ENOX1: variants seen among roughly 807,000 people sequenced by gnomAD.
ENOX1 encodes the protein ecto-NOX disulfide-thiol exchanger 1.
A neutral mutation model predicts 82.5 loss-of-function variants in ENOX1; 42 were observed. The observed-to-expected ratio is 0.51, with a 90% CI of 0.40 to 0.66. The LOEUF (loss-of-function observed/expected upper bound fraction) is 0.66. Among genes scored for constraint, ENOX1 ranks in the 30% least tolerant of loss-of-function variants. ENOX1 has a pLI of 0.00. For missense variants in ENOX1, 608 were observed against 811.6 expected (o/e 0.75, Z 3.05); for synonymous variants, 271 against 282.2 (o/e 0.96, Z 0.40).
chr13:43,225,282 GGAAAGGGCTGA>G (rs1331490827), intron 15 of ENOX1, among the ~76,000 whole-genome samples: 2 of 152,296 alleles, frequency 1.3e-5, no homozygotes, highest in East Asian at 1.9e-4. Context: ...GAGGGATGAG[GGAAAGGGCTGA>G]GAATCTCCCT....
intron 1 of ENOX1, among the ~76,000 whole-genome samples, chr13:43,750,030 T>A (rs1950228293): frequency 6.6e-6 from 1 of 152,218 alleles, no homozygotes; most frequent in East Asian, 1.9e-4. Flanking sequence ...CTCATTTTTT[T>A]AAATTATAAC....
chr13:43,464,660 C>T (rs879728707), intron 3 of ENOX1, among the ~76,000 whole-genome samples: 1 of 152,170 alleles, frequency 6.6e-6, no homozygotes, highest in Admixed American at 6.5e-5. Context: ...ACTCCTCCCC[C>T]ACTTTCCCCC....
chr13:43,285,161 A>G (rs1411444275), intron 12 of ENOX1, among the ~76,000 whole-genome samples: 1 of 152,192 alleles, frequency 6.6e-6, no homozygotes, highest in African/African-American at 2.4e-5. Flanking sequence ...AGAGGAGAAA[A>G]CATAGTCTTT....
At chr13:43,627,133 A>C (rs542553889) in intron 2 of ENOX1, among the ~76,000 whole-genome samples, 2 of 152,018 alleles carry the variant, frequency 1.3e-5, no homozygotes, top group African/African-American at 4.8e-5. Context: ...TAATGTTTGT[A>C]TATCTTTTCT....
chr13:43,244,530 A>C (rs2042988281), intron 14 of ENOX1, among the ~76,000 whole-genome samples: 1 of 152,184 alleles, frequency 6.6e-6, no homozygotes, highest in Non-Finnish European at 1.5e-5. Flanking sequence ...TTATAAGTAA[A>C]GAAAGAAAAA....
At chr13:43,560,585 T>C (rs1321116219) in intron 2 of ENOX1, among the ~76,000 whole-genome samples, 1 of 152,208 alleles carries the variant, frequency 6.6e-6, no homozygotes, top group Non-Finnish European at 1.5e-5. Flanking sequence ...TTGTTACTTT[T>C]TACTAATTGA....
chr13:43,661,345 C>T lies in ENOX1; in HGVS notation c.-219+6134G>A, dbSNP rs185025137. Reference sequence around the variant, plus strand: ...AAAATGGGATGACAGAATGAAGAGACGAATCTGTCTTCCCCATAGGGTCTG... The same window carrying T: ...AAAATGGGATGACAGAATGAAGAGATGAATCTGTCTTCCCCATAGGGTCTG... On this transcript the variant is annotated intron_variant, in intron 2 of 16. Coordinates refer to ENST00000690772, the MANE Select transcript of ENOX1 (RefSeq NM_001347969.2). Among the ~76,000 whole-genome samples, 279 of 152,204 alleles carry T rather than the reference C, an allele frequency of 1.8e-3. 1 individual carries two copies. The highest frequency in any genetic ancestry group is 2.6e-3 in the Admixed American group (39 of 15,280).
At chr13:43,707,744 A>AC (rs2087401630) in intron 1 of ENOX1, among the ~76,000 whole-genome samples, 1 of 149,280 alleles carries the variant, frequency 6.7e-6, no homozygotes, top group African/African-American at 2.4e-5. Flanking sequence ...AAAAAAAAAA[A>AC]AAAAAAAAAA....
chr13:43,776,476 CA>C (rs914743600), intron 1 of ENOX1, among the ~76,000 whole-genome samples: 7 of 152,044 alleles, frequency 4.6e-5, no homozygotes, highest in African/African-American at 1.7e-4. Context: ...TGTCAGAAGA[CA>C]AAAAATCTCA....
intron 2 of ENOX1, among the ~76,000 whole-genome samples, chr13:43,568,629 C>A (rs1458437530): frequency 6.6e-6 from 1 of 151,222 alleles, no homozygotes; most frequent in African/African-American, 2.4e-5. Flanking sequence ...ATCCCTAGCA[C>A]AGTTACCAAT....
intron 12 of ENOX1, among the ~76,000 whole-genome samples, chr13:43,295,706 T>C (rs955724986): frequency 6.6e-5 from 10 of 152,214 alleles, no homozygotes; most frequent in East Asian, 1.9e-4. Context: ...TTCTGATTTA[T>C]ACAGTGGATA....
At chr13:43,561,512 G>T (rs1047231164) in intron 2 of ENOX1, among the ~76,000 whole-genome samples, 7 of 152,156 alleles carry the variant, frequency 4.6e-5, no homozygotes, top group African/African-American at 1.4e-4. Flanking sequence ...ATGGAGTTAT[G>T]ATGTAAAGTA....
intron 9 of ENOX1, among the ~76,000 whole-genome samples, chr13:43,335,894 T>G (rs1328916642): frequency 2.6e-5 from 4 of 152,152 alleles, no homozygotes; most frequent in Non-Finnish European, 5.9e-5. Flanking sequence ...TGCTGAAGTT[T>G]TTATACATAT....
At chr13:43,477,281 G>A (rs928558812) in intron 3 of ENOX1, among the ~76,000 whole-genome samples, 7 of 151,026 alleles carry the variant, frequency 4.6e-5, no homozygotes, top group Non-Finnish European at 8.9e-5. Context: ...CTCTGGGAAA[G>A]GAGAAGTAGA....
intron 2 of ENOX1, among the ~76,000 whole-genome samples, chr13:43,661,195 TTG>T (rs1388743228): frequency 1.3e-5 from 2 of 152,216 alleles, no homozygotes; most frequent in African/African-American, 4.8e-5. Context: ...ACTGAAATAA[TTG>T]TCTTTATAGC....
At position 43,392,246 on chromosome 13, in the gene ENOX1, A is replaced by G. The variant is rs182747402; in HGVS notation, c.208+19670T>C. Among the ~76,000 whole-genome samples, 223 of 152,340 alleles carry G rather than the reference A, an allele frequency of 1.5e-3. 1 individual carries two copies. Among genetic ancestry groups the G allele is most frequent in the Middle Eastern group, 6.8e-3 (2 of 294 alleles). ...ACCATTTCTAATGATACGTTCATCAATCAGTTTACTTGTTTACTACCTGTC... is the reference window on the plus strand; with the variant it reads ...ACCATTTCTAATGATACGTTCATCAGTCAGTTTACTTGTTTACTACCTGTC... On this transcript the variant is annotated intron_variant, in intron 5 of 16. Transcript: ENST00000690772.
intron 12 of ENOX1, among the ~76,000 whole-genome samples, chr13:43,292,722 C>T (rs902884160): frequency 1.3e-5 from 2 of 152,136 alleles, no homozygotes; most frequent in Non-Finnish European, 2.9e-5. Flanking sequence ...CTACCACAGC[C>T]TCCTTCACCA....
intron 2 of ENOX1, among the ~76,000 whole-genome samples, chr13:43,616,206 T>TA (rs2082469922): frequency 1.3e-4 from 1 of 7,580 alleles, no homozygotes. Flanking sequence ...ATATATATAT[T>TA]TTTTTTTTTT....
At chr13:43,582,459 A>G (rs1397496824) in intron 2 of ENOX1, among the ~76,000 whole-genome samples, 1 of 152,216 alleles carries the variant, frequency 6.6e-6, no homozygotes, top group Non-Finnish European at 1.5e-5. Context: ...ATAAATTGAG[A>G]AGCTGGTACC....
Sources: allele counts gnomAD v4.1 joint callset (sites outside exome capture counted in the v4.1 genomes callset), GRCh38; gene constraint gnomAD v4.1.1; transcripts MANE v1.5; gene names NCBI Gene and HGNC (gene_info 2026-07-23, HGNC 2026-07-21).